The following HDAC9 variants were observed in gnomAD, a reference collection of about 807,000 sequenced individuals.
HDAC9 encodes MEF-2 interacting transcription repressor (MITR) protein.
In HDAC9, 41 loss-of-function variants were observed where a neutral mutation model predicts 139.4. That is an observed-to-expected ratio of 0.29 (90% CI 0.23 to 0.38). The LOEUF (loss-of-function observed/expected upper bound fraction) is 0.38. Ranked by LOEUF, HDAC9 falls within the 10% of genes least tolerant of loss-of-function variation. The probability of loss-of-function intolerance (pLI) is 1.00; values close to 1 mark genes in which losing one functional copy is unlikely to be tolerated. For synonymous variants in HDAC9, 517 were observed against 476.2 expected, an observed-to-expected ratio of 1.09 and a Z score of -1.12; for missense variants, 1,147 against 1,297.0, an observed-to-expected ratio of 0.88 and a Z score of 1.78.
chr7:18,938,036 C>G (rs1248455346), intron 23 of HDAC9, among the ~76,000 whole-genome samples: 1 of 152,068 alleles, frequency 6.6e-6, no homozygotes, highest in Admixed American at 6.5e-5. Context: ...TACTGTAAAG[C>G]AAAGTGTGTT....
At chr7:18,993,894 T>C (rs1017133730) in intron 25 of HDAC9, among the ~76,000 whole-genome samples, 11 of 152,078 alleles carry the variant, frequency 7.2e-5, no homozygotes, top group African/African-American at 2.4e-4. Flanking sequence ...CAGCTATAAG[T>C]GGTTTATTCC....
At chr7:18,287,058 G>A (rs1797497830), upstream of HDAC9, among the ~76,000 whole-genome samples, 1 of 152,120 alleles carries the variant, frequency 6.6e-6, no homozygotes, top group South Asian at 2.1e-4. Flanking sequence ...TCTTTAACTA[G>A]TGCTTCAGAT....
exon 1 of HDAC9, chr7:18,086,952 G>T (rs956371912): frequency 1.4e-5 from 2 of 144,048 alleles, no homozygotes; most frequent in African/African-American, 5.0e-5. Flanking sequence ...ACATCGCGCA[G>T]CGCGCACCGA....
intron 1 of HDAC9, among the ~76,000 whole-genome samples, chr7:18,307,278 T>C (rs1798988238): frequency 6.6e-6 from 1 of 152,120 alleles, no homozygotes; most frequent in South Asian, 2.1e-4. Flanking sequence ...TTTATACCTG[T>C]TAATCCATGA....
chr7:18,308,127 T>C (rs1799052957), intron 1 of HDAC9, among the ~76,000 whole-genome samples: 1 of 152,242 alleles, frequency 6.6e-6, no homozygotes, highest in Non-Finnish European at 1.5e-5. Context: ...CCTTAATTTA[T>C]ATTGCCAAGT....
intron 9 of HDAC9, among the ~76,000 whole-genome samples, 191 bp from the exon 10 acceptor site, chr7:18,647,594 C>T (rs574778681): frequency 6.6e-6 from 1 of 152,192 alleles, no homozygotes; most frequent in South Asian, 2.1e-4. Flanking sequence ...TTCAGTGCTC[C>T]AACCCTATTT....
chr7:18,151,403 T>C (rs1319792774), intron 1 of HDAC9, among the ~76,000 whole-genome samples: 2 of 152,342 alleles, frequency 1.3e-5, no homozygotes, highest in African/African-American at 2.4e-5. Flanking sequence ...TGAGGTTTAA[T>C]AGGATTGGTT....
intron 2 of HDAC9, among the ~76,000 whole-genome samples, chr7:18,281,109 T>G (rs17418779): frequency 0.022 from 3,293 of 152,244 alleles, 51 homozygotes; most frequent in Middle Eastern, 0.037. Context: ...TGACACAAGG[T>G]GGAACAGAGC....
chr7:18,593,324 A>C (rs1831516619), intron 5 of HDAC9, among the ~76,000 whole-genome samples: 1 of 152,050 alleles, frequency 6.6e-6, no homozygotes, highest in Non-Finnish European at 1.5e-5. Context: ...CTTAGATTGT[A>C]TTCACCCAGG....
intron 1 of HDAC9, among the ~76,000 whole-genome samples, chr7:18,453,870 T>C (rs2128104778): frequency 6.6e-6 from 1 of 152,228 alleles, no homozygotes; most frequent in South Asian, 2.1e-4. Context: ...CAGAGTCTCA[T>C]TTAGAATTGC....
intron 21 of HDAC9, among the ~76,000 whole-genome samples, chr7:18,845,631 C>T (rs1017604409): frequency 2.6e-5 from 4 of 152,018 alleles, no homozygotes; most frequent in African/African-American, 9.7e-5. Context: ...ACAACAGAAG[C>T]AGAGCTGTTT....
Position 18,708,072 on chromosome 7 carries a change from A to G in HDAC9, c.1732-19508A>G, listed in dbSNP as rs538184381. ...GGTGGTGGGATTAGCCTTGGCTAAG[A>G]GGAGAGACATCGCTTCAACTGAAAA... On this transcript the variant is annotated intron_variant, in intron 12 of 25. Transcript: ENST00000686413. Among the ~76,000 whole-genome samples the G allele has an allele frequency of 1.4e-4, 21 of 152,316 alleles. No individual in the cohort carries two copies. In the East Asian group the frequency reaches 4.0e-3, roughly 29 times the overall value.
At chr7:18,811,969 C>A (rs929489363) in intron 17 of HDAC9, among the ~76,000 whole-genome samples, 15 of 151,842 alleles carry the variant, frequency 9.9e-5, no homozygotes, top group African/African-American at 3.6e-4. Context: ...AAATCCCTTA[C>A]ATAAAATGTT....
intron 22 of HDAC9, among the ~76,000 whole-genome samples, chr7:18,912,780 A>G (rs1363912133): frequency 1.3e-5 from 2 of 152,264 alleles, no homozygotes; most frequent in Non-Finnish European, 2.9e-5. Context: ...CAAGGATTCT[A>G]ACAAAAAATT....
intron 16 of HDAC9, 82 bp from the exon 17 acceptor site, chr7:18,793,263 T>A (rs1047128003): frequency 2.1e-6 from 2 of 939,952 alleles, no homozygotes; most frequent in Non-Finnish European, 3.4e-6. Context: ...CCCTGCGACC[T>A]CTTCCCCTTT....
At chr7:18,250,875 G>T (rs1794875067) in intron 2 of HDAC9, among the ~76,000 whole-genome samples, 1 of 152,074 alleles carries the variant, frequency 6.6e-6, no homozygotes, top group African/African-American at 2.4e-5. Flanking sequence ...AATGATTAGT[G>T]ATGTTCAGCT....
At chr7:18,128,449 A>G (rs1009240647) in intron 1 of HDAC9, among the ~76,000 whole-genome samples, 1 of 152,022 alleles carries the variant, frequency 6.6e-6, no homozygotes, top group African/African-American at 2.4e-5. Context: ...GTGGGATTGA[A>G]TGATAGCCGA....
chr7:18,540,530 A>G (rs1812477909), intron 2 of HDAC9, among the ~76,000 whole-genome samples: 1 of 152,178 alleles, frequency 6.6e-6, no homozygotes, highest in Admixed American at 6.5e-5. Flanking sequence ...AGCATATACT[A>G]TTAAAAAGTT....
intron 1 of HDAC9, among the ~76,000 whole-genome samples, chr7:18,305,700 T>C (rs759172053): frequency 9.9e-5 from 15 of 151,398 alleles, no homozygotes; most frequent in Non-Finnish European, 1.8e-4. Flanking sequence ...ACAAAGTTTC[T>C]GATCTCTGGG....
Sources: allele counts gnomAD v4.1 joint callset (sites outside exome capture counted in the v4.1 genomes callset), GRCh38; gene constraint gnomAD v4.1.1; transcripts MANE v1.5; gene names NCBI Gene and HGNC (gene_info 2026-07-23, HGNC 2026-07-21).